The following PIK3CB variants were observed in gnomAD, a reference collection of about 807,000 sequenced individuals.
PIK3CB encodes phosphatidylinositol 4,5-bisphosphate 3-kinase catalytic subunit beta isoform.
Under a neutral mutation model 136.8 loss-of-function variants are expected in PIK3CB, and 39 were observed. The ratio of observed to expected loss-of-function variants is 0.29; its 90% CI spans 0.22 to 0.37. The LOEUF is 0.37. Ranked by LOEUF, PIK3CB falls within the 10% of genes least tolerant of loss-of-function variation. The pLI, the probability that PIK3CB is intolerant of heterozygous loss-of-function variation, is 1.00. For missense variants in PIK3CB, 868 were observed against 1,275.4 expected (o/e 0.68, Z 4.87); for synonymous variants, 428 against 436.6 (o/e 0.98, Z 0.25).
At chr3:138,690,977 A>G (rs2043995613) in intron 15 of PIK3CB, 23 bp downstream of exon 15, 1 of 1,585,894 alleles carries the variant, frequency 6.3e-7, no homozygotes, top group Admixed American at 1.8e-5. Flanking sequence ...TGGTGGGCTC[A>G]AAGTAAAATA....
At chr3:138,828,874 G>A (rs1209313609) in intron 1 of PIK3CB, among the ~76,000 whole-genome samples, 6 of 151,758 alleles carry the variant, frequency 4.0e-5, no homozygotes, top group Middle Eastern at 6.8e-3. Flanking sequence ...TGCAACCTCC[G>A]CCTCCCAGGT....
At chr3:138,690,486 C>T (rs945582850) in intron 15 of PIK3CB, among the ~76,000 whole-genome samples, 1 of 151,508 alleles carries the variant, frequency 6.6e-6, no homozygotes, top group Non-Finnish European at 1.5e-5. Context: ...AAGTAAGGTT[C>T]GTGTATTTCT....
At chr3:138,755,234 G>C (rs1180511160) in intron 4 of PIK3CB, among the ~76,000 whole-genome samples, 1 of 152,340 alleles carries the variant, frequency 6.6e-6, no homozygotes, top group East Asian at 1.9e-4. Context: ...TATAGGAGCA[G>C]TTCATAAGAA....
intron 9 of PIK3CB, among the ~76,000 whole-genome samples, chr3:138,713,791 A>G (rs909673487): frequency 6.6e-6 from 1 of 152,246 alleles, no homozygotes; most frequent in African/African-American, 2.4e-5. Flanking sequence ...AAGCAAGAAG[A>G]AAGTGAAACA....
At chr3:138,674,087 C>A (rs951057584) in intron 19 of PIK3CB, among the ~76,000 whole-genome samples, 10 of 151,684 alleles carry the variant, frequency 6.6e-5, no homozygotes, top group Non-Finnish European at 1.3e-4. Context: ...AACAAGCTAA[C>A]TGAAAGCTTA....
At chr3:138,726,651 A>G (rs1246663118) in intron 8 of PIK3CB, among the ~76,000 whole-genome samples, 3 of 152,188 alleles carry the variant, frequency 2.0e-5, no homozygotes, top group Non-Finnish European at 4.4e-5. Context: ...CTAGAGCTAT[A>G]AACAGCTATA....
intron 1 of PIK3CB, chr3:138,825,433 C>G: frequency 1.5e-6 from 1 of 684,930 alleles, no homozygotes; most frequent in East Asian, 2.5e-5. Flanking sequence ...ACCCTACAGC[C>G]AATACAGATA....
At chr3:138,683,571 G>T in intron 18 of PIK3CB, 107 bp downstream of exon 18, 1 of 667,860 alleles carries the variant, frequency 1.5e-6, no homozygotes. Context: ...TACCTTCCTG[G>T]CTGCAAATTG....
chr3:138,774,992 T>A (rs928876065), intron 2 of PIK3CB, among the ~76,000 whole-genome samples: 7 of 152,372 alleles, frequency 4.6e-5, no homozygotes, highest in Middle Eastern at 3.4e-3. Flanking sequence ...TTTGTCTGTT[T>A]TAAACCTTTT....
Position 138,680,282 on chromosome 3 carries a change from C to G in PIK3CB, c.2504+1685G>C, listed in dbSNP as rs1027058541. 5.9e-5 allele frequency among the ~76,000 whole-genome samples: 9 copies of G among 151,650 alleles called. No homozygotes were observed. The East Asian group carries it at 1.8e-3, about 30-fold the overall frequency. On this transcript the variant is annotated intron_variant, in intron 19 of 23. Transcript: ENST00000674063. ...CTGAGGCAGGAGAATCACTTGAACTCAGGAGGCGGAGGCTGCAGTGAGCCG... is the reference window on the plus strand; with the variant it reads ...CTGAGGCAGGAGAATCACTTGAACTGAGGAGGCGGAGGCTGCAGTGAGCCG...
At chr3:138,724,577 G>A (rs1264996480) in intron 8 of PIK3CB, among the ~76,000 whole-genome samples, 1 of 152,184 alleles carries the variant, frequency 6.6e-6, no homozygotes, top group Non-Finnish European at 1.5e-5. Flanking sequence ...CTATTCACGT[G>A]GTTGGTTTCT....
At chr3:138,756,028 T>A (rs1431293718) in intron 3 of PIK3CB, 49 bp from the exon 4 acceptor site, 1 of 1,021,038 alleles carries the variant, frequency 9.8e-7, no homozygotes, top group Admixed American at 1.8e-5. Flanking sequence ...CTTGCTCAAG[T>A]GTACAAAGAT....
intron 1 of PIK3CB, among the ~76,000 whole-genome samples, chr3:138,807,407 A>G (rs1479622276): frequency 1.3e-5 from 2 of 152,108 alleles, no homozygotes; most frequent in Admixed American, 6.6e-5. Context: ...GCACTCCAGC[A>G]TGGGCAACAG....
intron 1 of PIK3CB, among the ~76,000 whole-genome samples, chr3:138,800,793 T>G (rs1322047453): frequency 1.3e-5 from 2 of 151,904 alleles, no homozygotes; most frequent in Non-Finnish European, 2.9e-5. Context: ...CCCAGCTAAT[T>G]TTTATAGTTT....
intron 8 of PIK3CB, among the ~76,000 whole-genome samples, chr3:138,723,536 C>T (rs140143002): frequency 0.024 from 3,720 of 152,116 alleles, 155 homozygotes; most frequent in African/African-American, 0.086. Flanking sequence ...GGTGACAGAG[C>T]GAGACCCCGT....
In PIK3CB at chr3:138,826,312, G is replaced by T; in HGVS notation, c.-122+8383C>A. 2.5e-6 allele frequency: 4 copies of T among 1,597,518 alleles called. No individual in the cohort carries two copies. The South Asian group carries it at 4.4e-5, about 18-fold the overall frequency. ...CAAGGTCACCAAGTCTGCCCAGAAA[G>T]CTCAGAAGGCTAAATGAATATTATC... On this transcript the variant is annotated intron_variant, in intron 1 of 23. Coordinates refer to ENST00000674063, the MANE Select transcript of PIK3CB (RefSeq NM_006219.3).
chr3:138,765,253 G>A (rs1362661813), intron 2 of PIK3CB, among the ~76,000 whole-genome samples: 1 of 152,108 alleles, frequency 6.6e-6, no homozygotes, highest in Non-Finnish European at 1.5e-5. Flanking sequence ...AGAGACGGAA[G>A]TTGCAGTAAG....
intron 21 of PIK3CB, among the ~76,000 whole-genome samples, chr3:138,662,931 C>T (rs765596554): frequency 1.3e-5 from 2 of 151,986 alleles, no homozygotes; most frequent in South Asian, 2.1e-4. Flanking sequence ...AAGACTTAAA[C>T]GTTAGACCTA....
intron 19 of PIK3CB, among the ~76,000 whole-genome samples, chr3:138,680,006 G>T (rs1184582444): frequency 1.3e-5 from 2 of 149,384 alleles, no homozygotes; most frequent in Non-Finnish European, 3.0e-5. Flanking sequence ...TAGAAGCCCA[G>T]CTGAAACCAT....
Sources: gnomAD v4.1 joint callset for allele counts (sites outside exome capture counted in the v4.1 genomes callset) on GRCh38, gnomAD v4.1.1 for gene constraint, MANE v1.5 for transcripts, NCBI Gene and HGNC (gene_info 2026-07-23, HGNC 2026-07-21) for gene names.